NMBR: variants seen among roughly 807,000 people sequenced by gnomAD.
NMBR encodes the protein neuromedin B receptor, also known as neuromedin-B receptor.
A neutral mutation model predicts 20.5 loss-of-function variants in NMBR; 16 were observed. That is an observed-to-expected ratio of 0.78 (90% CI 0.53 to 1.19). NMBR has a LOEUF of 1.19. Ranked by LOEUF, NMBR falls within the 50% of genes most tolerant of loss-of-function variation. The pLI is 0.00. For synonymous variants in NMBR, 212 were observed against 196.6 expected (o/e 1.08, Z -0.65); for missense variants, 582 against 499.1 (o/e 1.17, Z -1.58).
At position 142,122,290 on chromosome 6, in the gene NMBR, A is replaced by G. The variant is rs375544516; in HGVS notation, c.-664+24754T>C. On this transcript the variant is annotated intron_variant, in intron 1 of 3. Transcript: ENST00000258042. ...CAGTCCTATGAAGGCTAAGAGAGCTAAAGAAGCTGCAAAAGAAAAGTTTGA... is the reference window on the plus strand; with the variant it reads ...CAGTCCTATGAAGGCTAAGAGAGCTGAAGAAGCTGCAAAAGAAAAGTTTGA... 1.3e-3 allele frequency among the ~76,000 whole-genome samples: 203 copies of G among 152,104 alleles called. 9 individuals are homozygous for G. The South Asian group carries it at 0.038, about 28-fold the overall frequency.
chr6:142,088,902 TA>T lies in NMBR; in HGVS notation c.-245del, dbSNP rs66629528. On this transcript the variant is annotated 5_prime_UTR_variant, in exon 2 of 4. Transcript: ENST00000258042. ...GCTCCGGCTAACTCTGAATTTAAAT[TA>T]AAAAAAAAAAAAAAGCAAAGCGGTT... The T allele has an allele frequency of 0.52, 162,321 of 311,758 alleles. 28,526 individuals carry two copies. The highest frequency in any genetic ancestry group is 0.72 in the African/African-American group (32,073 of 44,850). The allele number at this position is 311,758 out of a possible 1,614,324, so 19.3% of individuals were successfully genotyped here.
intron 1 of NMBR, among the ~76,000 whole-genome samples, chr6:142,130,833 T>A (rs1431076481): frequency 6.6e-6 from 1 of 152,084 alleles, no homozygotes; most frequent in Non-Finnish European, 1.5e-5. Context: ...CTGACAACAA[T>A]GGACCAGGGA....
intron 1 of NMBR, among the ~76,000 whole-genome samples, chr6:142,097,092 A>G (rs1777468877): frequency 6.6e-6 from 1 of 152,104 alleles, no homozygotes; most frequent in Non-Finnish European, 1.5e-5. Context: ...GGTTTCCTGA[A>G]TACAGCACAC....
intron 1 of NMBR, among the ~76,000 whole-genome samples, chr6:142,126,757 A>ATTTTTTTTTTTTTT (rs34631481): frequency 1.2e-4 from 6 of 51,362 alleles, no homozygotes; most frequent in Admixed American, 2.4e-4. Context: ...TATTTGAGGG[A>ATTTTTTTTTTTTTT]TTTTTTTTTT....
intron 1 of NMBR, among the ~76,000 whole-genome samples, chr6:142,121,775 TG>T (rs1427283099): frequency 6.6e-6 from 1 of 151,916 alleles, no homozygotes; most frequent in Non-Finnish European, 1.5e-5. Flanking sequence ...TGTTACACCA[TG>T]CACATTTACC....
At chr6:142,136,042 C>T (rs1428190825) in intron 1 of NMBR, among the ~76,000 whole-genome samples, 1 of 152,202 alleles carries the variant, frequency 6.6e-6, no homozygotes, top group African/African-American at 2.4e-5. Flanking sequence ...AATGGTATTT[C>T]TAGTTCTAGG....
At chr6:142,119,770 G>A (rs962644648) in intron 1 of NMBR, among the ~76,000 whole-genome samples, 2 of 151,832 alleles carry the variant, frequency 1.3e-5, no homozygotes, top group Non-Finnish European at 2.9e-5. Flanking sequence ...CATAGACCTT[G>A]AAACAAAGAG....
At chr6:142,093,027 A>G (rs1168513867) in intron 1 of NMBR, among the ~76,000 whole-genome samples, 2 of 152,134 alleles carry the variant, frequency 1.3e-5, no homozygotes, top group African/African-American at 2.4e-5. Context: ...TGTAGTTAGG[A>G]AAAATTAACC....
intron 1 of NMBR, chr6:142,133,292 C>G (rs2114608643): frequency 2.0e-6 from 1 of 506,910 alleles, no homozygotes; most frequent in South Asian, 3.3e-5. Flanking sequence ...TTCTCTACAT[C>G]TATGGAGAAT....
At chr6:142,080,543 G>A (rs1393484597) in intron 2 of NMBR, among the ~76,000 whole-genome samples, 1 of 151,848 alleles carries the variant, frequency 6.6e-6, no homozygotes, top group Non-Finnish European at 1.5e-5. Flanking sequence ...CTCCTCCTGG[G>A]CTCAAGTGAT....
chr6:142,083,206 C>T (rs988086125), intron 2 of NMBR, among the ~76,000 whole-genome samples: 1 of 151,902 alleles, frequency 6.6e-6, no homozygotes, highest in Non-Finnish European at 1.5e-5. Flanking sequence ...AACAATAAGC[C>T]CCATAAATTC....
chr6:142,133,357 AG>A (rs1386141735), intron 1 of NMBR, among the ~76,000 whole-genome samples: 1 of 152,182 alleles, frequency 6.6e-6, no homozygotes, highest in African/African-American at 2.4e-5. Context: ...AACTATAAAG[AG>A]AAAAATTCAG....
intron 1 of NMBR, among the ~76,000 whole-genome samples, chr6:142,138,324 G>T (rs1191467483): frequency 1.3e-5 from 2 of 152,042 alleles, no homozygotes; most frequent in Non-Finnish European, 2.9e-5. Context: ...TTTCATCATT[G>T]AGGTTTTCTC....
chr6:142,078,957 GA>G, intron 2 of NMBR, 54 bp from the exon 3 acceptor site: 1 of 1,119,708 alleles, frequency 8.9e-7, no homozygotes, highest in Non-Finnish European at 1.2e-6. Context: ...AGAAAAAAGA[GA>G]AAGAAAAGAA....
chr6:142,127,121 C>G (rs1331689317), intron 1 of NMBR, among the ~76,000 whole-genome samples: 1 of 151,808 alleles, frequency 6.6e-6, no homozygotes, highest in East Asian at 1.9e-4. Context: ...TTTATGTTCT[C>G]AGGTCTTACA....
intron 1 of NMBR, among the ~76,000 whole-genome samples, chr6:142,093,983 C>G (rs193214928): frequency 0.64 from 94,435 of 147,702 alleles, 32,172 homozygotes; most frequent in East Asian, 0.87. Context: ...ATCCTTCGCC[C>G]ACTCTTTGAT....
At chr6:142,145,134 C>T (rs1430791067) in intron 1 of NMBR, among the ~76,000 whole-genome samples, 2 of 151,750 alleles carry the variant, frequency 1.3e-5, no homozygotes, top group Non-Finnish European at 2.9e-5. Context: ...AACCATTTCA[C>T]TTTCTTATTT....
intron 1 of NMBR, among the ~76,000 whole-genome samples, chr6:142,131,735 G>A (rs548015263): frequency 3.2e-4 from 48 of 152,226 alleles, no homozygotes; most frequent in African/African-American, 1.1e-3. Context: ...GGCCCTCATA[G>A]ATCTCAGCAA....
chr6:142,103,149 C>T (rs1343594615), intron 1 of NMBR, among the ~76,000 whole-genome samples: 4 of 152,140 alleles, frequency 2.6e-5, no homozygotes, highest in Non-Finnish European at 5.9e-5. Flanking sequence ...GGCAGCCTTT[C>T]TCTGATACTC....
Sources: gnomAD v4.1 joint callset for allele counts (sites outside exome capture counted in the v4.1 genomes callset) on GRCh38, gnomAD v4.1.1 for gene constraint, MANE v1.5 for transcripts, NCBI Gene and HGNC (gene_info 2026-07-23, HGNC 2026-07-21) for gene names.